PANK1: variants seen among roughly 807,000 people sequenced by gnomAD.
PANK1 encodes the protein pantothenate kinase 1, also known as pantothenic acid kinase 1.
Under a neutral mutation model 40.1 loss-of-function variants are expected in PANK1, and 18 were observed. The observed-to-expected ratio is 0.45, with a 90% confidence interval of 0.31 to 0.67. The LOEUF is 0.67. PANK1 is among the 30% of genes least tolerant of loss of function. The probability of loss-of-function intolerance (pLI) is 0.06; values close to 1 mark genes in which losing one functional copy is unlikely to be tolerated. For missense variants in PANK1, 457 were observed against 599.6 expected (o/e 0.76, Z 2.48); for synonymous variants, 242 against 237.7 (o/e 1.02, Z -0.17).
At chr10:89,617,453 G>A (rs992733810) in intron 1 of PANK1, among the ~76,000 whole-genome samples, 11 of 152,180 alleles carry the variant, frequency 7.2e-5, no homozygotes, top group African/African-American at 2.4e-4. Flanking sequence ...TTTAAAAGGT[G>A]TAATGAAAAA....
rs1243860632 is a variant in PANK1 at position 89,595,828 on chromosome 10, AAAAAAAT to A, written c.900-1846_900-1840del. Reference sequence around the variant, plus strand: ...CCGGACTCCATCTTAAAAAAAAAAAAAAAAAATATATATATATATATATATATATATA... The same window carrying A: ...CCGGACTCCATCTTAAAAAAAAAAAAATATATATATATATATATATATATA... On this transcript the variant is annotated intron_variant, in intron 3 of 6. Transcript: ENST00000307534. 4.4e-3 allele frequency among the ~76,000 whole-genome samples: 292 copies of A among 67,054 alleles called. 1 individual carries two copies. The highest frequency in any genetic ancestry group is 0.035 in the East Asian group (53 of 1,498). 44.0% of individuals were successfully genotyped at this position (67,054 alleles called of 152,430 possible).
At chr10:89,602,024 G>A (rs1388780959) in intron 2 of PANK1, among the ~76,000 whole-genome samples, 2 of 152,190 alleles carry the variant, frequency 1.3e-5, no homozygotes, top group Non-Finnish European at 2.9e-5. Flanking sequence ...TTTATTATGT[G>A]GAACAGGGAG....
chr10:89,621,303 A>AT (rs542663068), intron 1 of PANK1, among the ~76,000 whole-genome samples: 390 of 115,062 alleles, frequency 3.4e-3, no homozygotes, highest in African/African-American at 0.013. Context: ...ACTCTGTCTC[A>AT]TAAAAAAAAA....
chr10:89,592,943 C>T (rs1222924123), intron 5 of PANK1: 4 of 537,862 alleles, frequency 7.4e-6, no homozygotes, highest in African/African-American at 5.7e-5. Context: ...GAGACTATGA[C>T]ATGGGTTGTA....
At chr10:89,611,668 T>A in intron 2 of PANK1, 28 bp downstream of exon 2, 1 of 1,501,004 alleles carries the variant, frequency 6.7e-7, no homozygotes, top group Admixed American at 1.8e-5. Flanking sequence ...GAGGTTTTGA[T>A]GTTTTAACAA....
chr10:89,599,186 C>T (rs62620049), intron 3 of PANK1, 66 bp downstream of exon 3: 42 of 1,435,680 alleles, frequency 2.9e-5, no homozygotes, highest in Non-Finnish European at 3.7e-5. Flanking sequence ...ATATAAATAA[C>T]CTTTTACTAT....
At chr10:89,593,534 G>C (rs976646355) in intron 4 of PANK1, among the ~76,000 whole-genome samples, 1 of 151,998 alleles carries the variant, frequency 6.6e-6, no homozygotes, top group African/African-American at 2.4e-5. Flanking sequence ...AATGGGGGGG[G>C]AAAATTAATG....
downstream of PANK1, chr10:89,582,848 G>C (rs898890429): frequency 1.2e-4 from 19 of 152,222 alleles, no homozygotes; most frequent in Admixed American, 3.9e-4. Flanking sequence ...CAGTGTTTTG[G>C]ACCATACCAC....
chr10:89,641,247 C>A (rs1841959868), intron 1 of PANK1, among the ~76,000 whole-genome samples: 1 of 152,098 alleles, frequency 6.6e-6, no homozygotes. Flanking sequence ...CCTTATTTAT[C>A]TTTTTTATAC....
chr10:89,595,816 TAAAAAAAAAA>T lies in PANK1; in HGVS notation c.900-1837_900-1828del, dbSNP rs1192374008. Reference sequence around the variant, plus strand: ...TGGGTGACAGAGCCGGACTCCATCTTAAAAAAAAAAAAAAAAAATATATATATATATATAT... The same window carrying T: ...TGGGTGACAGAGCCGGACTCCATCTTAAAAAAAATATATATATATATATAT... On this transcript the variant is annotated intron_variant, in intron 3 of 6. Transcript: ENST00000307534. Among the ~76,000 whole-genome samples the T allele has an allele frequency of 2.2e-4, 9 of 40,872 alleles. 1 individual carries two copies. The highest frequency in any genetic ancestry group is 1.2e-3 in the East Asian group (2 of 1,728). 26.8% of individuals were successfully genotyped at this position (40,872 alleles called of 152,430 possible).
At chr10:89,641,768 T>TAAATA (rs201139574) in intron 1 of PANK1, among the ~76,000 whole-genome samples, 1,303 of 100,854 alleles carry the variant, frequency 0.013, 22 homozygotes, top group South Asian at 0.056. Context: ...AATAAATAAA[T>TAAATA]AAATAAAATA....
chr10:89,608,156 C>T (rs550689825), intron 2 of PANK1, among the ~76,000 whole-genome samples: 3 of 152,012 alleles, frequency 2.0e-5, no homozygotes, highest in Admixed American at 6.6e-5. Context: ...CTCAGCCTCC[C>T]AAGCAGCTGG....
intron 2 of PANK1, among the ~76,000 whole-genome samples, chr10:89,606,520 ACTTTT>A (rs923919114): frequency 2.6e-5 from 4 of 151,578 alleles, no homozygotes; most frequent in Non-Finnish European, 4.4e-5. Context: ...CTACCTTCCC[ACTTTT>A]CTTTTCATGT....
downstream of PANK1, chr10:89,582,153 G>T (rs796342303): frequency 1.4e-4 from 22 of 152,320 alleles, no homozygotes; most frequent in African/African-American, 5.3e-4. Context: ...TTTAGAAAGA[G>T]GCTTAGCATA....
chr10:89,616,400 A>G (rs1845315357), intron 1 of PANK1, among the ~76,000 whole-genome samples: 1 of 152,250 alleles, frequency 6.6e-6, no homozygotes, highest in Non-Finnish European at 1.5e-5. Flanking sequence ...TCCATATGTA[A>G]ATAAAATATG....
chr10:89,595,739 G>T lies in PANK1; in HGVS notation c.900-1750C>A, dbSNP rs574251892. On this transcript the variant is annotated intron_variant, in intron 3 of 6. Transcript: ENST00000307534. ...GGATGCTGAGGTGCGGGGATTACTT[G>T]TACCCTGGTGGAGGCTGTAGTGAGC... Among the ~76,000 whole-genome samples, 136 of 144,556 alleles carry T rather than the reference G, an allele frequency of 9.4e-4. 2 individuals carry two copies. Among genetic ancestry groups the T allele is most frequent in the African/African-American group, 3.2e-3 (123 of 38,916 alleles). 94.8% of individuals were successfully genotyped at this position (144,556 alleles called of 152,430 possible). A position where few individuals can be genotyped will look rare whatever the true frequency, so the allele number is the denominator to read the frequency against.
Position 89,611,822 on chromosome 10 carries a change from G to C in PANK1, c.519C>G (p.Ile173Met). ...MCGRKGNLHF[I>M]RFPSCAMHRF... is the part of the protein sequence containing the mutation. ...TGTGCATAGCACAGCTGGGAAAGCG[G>C]ATGAAGTGCAGGTTCCCTTTGCGTC... Residue 173 changes from isoleucine to methionine, a missense_variant, in exon 2 of 7, where the codon ATC becomes ATG. By Grantham distance (10) the Ile-to-Met change is conservative. Around this residue, in one of 4 missense-constraint regions of PANK1, gnomAD observed 286 missense variants for 415.8 expected, o/e 0.69. Coordinates refer to ENST00000307534, the MANE Select transcript of PANK1 (RefSeq NM_148977.3). 6.2e-7 allele frequency: 1 copy of C among 1,614,216 alleles called. No individual in the cohort carries two copies. The highest frequency in any genetic ancestry group is 1.7e-5 in the Admixed American group (1 of 60,024).
intron 4 of PANK1, 50 bp downstream of exon 4, chr10:89,593,763 G>A (rs1157912640): frequency 1.4e-6 from 2 of 1,389,772 alleles, no homozygotes; most frequent in Non-Finnish European, 2.0e-6. Flanking sequence ...CCAGGGTGGA[G>A]AGGCTGCCTT....
intron 2 of PANK1, among the ~76,000 whole-genome samples, chr10:89,601,037 A>T (rs1015431649): frequency 6.6e-6 from 1 of 152,170 alleles, no homozygotes; most frequent in Admixed American, 6.5e-5. Context: ...TGACACAACT[A>T]GCAAATATCT....
Sources: allele counts gnomAD v4.1 joint callset (sites outside exome capture counted in the v4.1 genomes callset), GRCh38; gene constraint gnomAD v4.1.1; regional missense constraint gnomAD v4.1.1; transcripts MANE v1.5; gene names NCBI Gene and HGNC (gene_info 2026-07-23, HGNC 2026-07-21).